The following CYSTM1 variants were observed in gnomAD, a reference collection of about 807,000 sequenced individuals.
CYSTM1 encodes cysteine rich transmembrane module containing 1.
In CYSTM1, 4 loss-of-function variants were observed where a neutral mutation model predicts 13.1. The ratio of observed to expected loss-of-function variants is 0.31; its 90% CI spans 0.15 to 0.70. The LOEUF is 0.70. Among genes scored for constraint, CYSTM1 ranks in the 30% least tolerant of loss-of-function variants. The pLI is 0.72. For synonymous variants in CYSTM1, 36 were observed against 42.7 expected (o/e 0.84, Z 0.62); for missense variants, 96 against 121.6 (o/e 0.79, Z 0.99).
In CYSTM1 at chr5:140,178,441, CTTTTTTTTTTTTT is replaced by C. The variant is rs577709524; in HGVS notation, c.-21+3169_-21+3181del. Among the ~76,000 whole-genome samples the C allele has an allele frequency of 2.5e-4, 13 of 52,668 alleles. 1 individual carries two copies. Among genetic ancestry groups the C allele is most frequent in the African/African-American group, 1.0e-3 (12 of 11,824 alleles). 34.6% of individuals were successfully genotyped at this position (52,668 alleles called of 152,430 possible). On this transcript the variant is annotated intron_variant, in intron 1 of 2. Transcript: ENST00000261811. ...TGGAAAAGCCCTATTCAAGTCCTTC[CTTTTTTTTTTTTT>C]TTTTTTTTTTTTCAGAAACAGGGCT...
rs368308865 is a variant in CYSTM1 at position 140,196,659 on chromosome 5, C to G, written c.187+2007C>G. Among the ~76,000 whole-genome samples the G allele has an allele frequency of 6.6e-5, 10 of 152,268 alleles. 1 individual carries two copies. Among genetic ancestry groups the G allele is most frequent in the Admixed American group, 4.6e-4 (7 of 15,296 alleles). On this transcript the variant is annotated intron_variant, in intron 2 of 2. Coordinates refer to ENST00000261811, the MANE Select transcript of CYSTM1 (RefSeq NM_032412.4). ...TAATCGGAGTAGTTGGTATTCAGGC[C>G]TGTGACATCAGAGAAACATTTTCTG...
intron 2 of CYSTM1, 105 bp from the exon 3 acceptor site, chr5:140,243,200 T>C: frequency 1.2e-6 from 1 of 862,222 alleles, no homozygotes; most frequent in South Asian, 1.4e-5. Context: ...GTCTGCTCAA[T>C]AGTTTTCCCC....
At chr5:140,185,033 A>G (rs1764000597) in intron 1 of CYSTM1, among the ~76,000 whole-genome samples, 1 of 152,274 alleles carries the variant, frequency 6.6e-6, no homozygotes. Flanking sequence ...ATAGCGGCTT[A>G]AAGCAATTAT....
At chr5:140,177,068 C>CAAAAAAAAAAAAAAAA (rs1161281232) in intron 1 of CYSTM1, among the ~76,000 whole-genome samples, 6 of 87,948 alleles carry the variant, frequency 6.8e-5, no homozygotes, top group African/African-American at 1.3e-4. Context: ...GACTCTGTCT[C>CAAAAAAAAAAAAAAAA]AAAAAAAAAA....
chr5:140,217,078 T>C (rs1764437500), intron 2 of CYSTM1, among the ~76,000 whole-genome samples: 1 of 152,170 alleles, frequency 6.6e-6, no homozygotes, highest in Admixed American at 6.5e-5. Flanking sequence ...AAAATCTCCA[T>C]TAGGCTTTTT....
At chr5:140,225,711 T>C (rs1561816179) in intron 2 of CYSTM1, among the ~76,000 whole-genome samples, 2 of 152,222 alleles carry the variant, frequency 1.3e-5, no homozygotes, top group East Asian at 1.9e-4. Flanking sequence ...GTGTGTGAGC[T>C]GGAGTGAAGG....
intron 2 of CYSTM1, among the ~76,000 whole-genome samples, chr5:140,216,914 C>T (rs1302828859): frequency 6.6e-6 from 1 of 152,178 alleles, no homozygotes; most frequent in South Asian, 2.1e-4. Context: ...AAAGAGCATA[C>T]GCATTCTCGT....
intron 2 of CYSTM1, among the ~76,000 whole-genome samples, chr5:140,205,696 T>A (rs1413871678): frequency 6.6e-6 from 1 of 152,170 alleles, no homozygotes; most frequent in Non-Finnish European, 1.5e-5. Context: ...TATGGCACCT[T>A]GATGAGCAGT....
intron 2 of CYSTM1, among the ~76,000 whole-genome samples, chr5:140,229,224 T>G (rs1764593641): frequency 6.6e-6 from 1 of 152,202 alleles, no homozygotes; most frequent in Admixed American, 6.5e-5. Context: ...GAATGGAGTC[T>G]TGCTCTGTTA....
At chr5:140,233,986 A>G (rs4913075) in intron 2 of CYSTM1, among the ~76,000 whole-genome samples, 29,442 of 152,050 alleles carry the variant, frequency 0.19, 3,026 homozygotes, top group South Asian at 0.24. Context: ...CCAGTTTATC[A>G]ATTTTTTATT....
intron 1 of CYSTM1, among the ~76,000 whole-genome samples, chr5:140,178,578 A>G (rs1485957292): frequency 6.7e-6 from 1 of 148,758 alleles, no homozygotes; most frequent in African/African-American, 2.5e-5. Context: ...ATGCCTGGCT[A>G]TCTAAGACCT....
At chr5:140,212,392 T>G (rs1477880669) in intron 2 of CYSTM1, among the ~76,000 whole-genome samples, 2 of 152,218 alleles carry the variant, frequency 1.3e-5, no homozygotes, top group African/African-American at 4.8e-5. Flanking sequence ...TAAACGAACC[T>G]ACTGCGCTGC....
chr5:140,201,293 C>T (rs2126659960), intron 2 of CYSTM1: 1 of 152,270 alleles, frequency 6.6e-6, no homozygotes, highest in East Asian at 1.9e-4. Flanking sequence ...CAAAATATAT[C>T]CACCCCCTTC....
At chr5:140,181,281 A>G (rs1321001930) in intron 1 of CYSTM1, among the ~76,000 whole-genome samples, 3 of 152,128 alleles carry the variant, frequency 2.0e-5, no homozygotes, top group Non-Finnish European at 4.4e-5. Flanking sequence ...TGCTGCCACT[A>G]GCTTCCTGGA....
intron 2 of CYSTM1, among the ~76,000 whole-genome samples, chr5:140,236,627 T>C (rs1488652374): frequency 6.6e-6 from 1 of 152,222 alleles, no homozygotes; most frequent in Non-Finnish European, 1.5e-5. Flanking sequence ...TTTTCCTGTG[T>C]TATCTAAGGC....
At chr5:140,204,164 C>T (rs866852877) in intron 2 of CYSTM1, among the ~76,000 whole-genome samples, 1 of 152,068 alleles carries the variant, frequency 6.6e-6, no homozygotes, top group East Asian at 1.9e-4. Flanking sequence ...GCCAGGAGTT[C>T]GACACCAGCC....
intron 2 of CYSTM1, among the ~76,000 whole-genome samples, chr5:140,214,135 G>A (rs1764402089): frequency 6.6e-6 from 1 of 152,168 alleles, no homozygotes; most frequent in Admixed American, 6.5e-5. Flanking sequence ...TTCTGACTTA[G>A]GTCCTTAACT....
intron 2 of CYSTM1, among the ~76,000 whole-genome samples, chr5:140,206,175 T>G (rs1561812467): frequency 6.6e-6 from 1 of 152,120 alleles, no homozygotes; most frequent in Non-Finnish European, 1.5e-5. Context: ...CAGTCTCACT[T>G]TCTTTTGAGC....
At chr5:140,241,046 C>T (rs569495602) in intron 2 of CYSTM1, among the ~76,000 whole-genome samples, 1 of 152,296 alleles carries the variant, frequency 6.6e-6, no homozygotes, top group African/African-American at 2.4e-5. Flanking sequence ...GTTTGAAGTC[C>T]TCCATTTTGT....
Sources: gnomAD v4.1 joint callset for allele counts (sites outside exome capture counted in the v4.1 genomes callset) on GRCh38, gnomAD v4.1.1 for gene constraint, MANE v1.5 for transcripts, NCBI Gene and HGNC (gene_info 2026-07-23, HGNC 2026-07-21) for gene names.